MCC: variants seen among roughly 807,000 people sequenced by gnomAD.
The protein encoded by MCC is MCC regulator of Wnt signaling pathway.
In MCC, 90 loss-of-function variants were observed where a neutral mutation model predicts 116.2. The ratio of observed to expected loss-of-function variants is 0.77; its 90% CI spans 0.65 to 0.92. The LOEUF is 0.92. MCC is among the 40% of genes least tolerant of loss of function. MCC has a pLI of 0.00. For missense variants in MCC, 1,516 were observed against 1,312.2 expected, an observed-to-expected ratio of 1.16 and a Z score of -2.40; for synonymous variants, 578 against 510.5, an observed-to-expected ratio of 1.13 and a Z score of -1.78.
rs348942 is a variant in MCC at position 113,488,342 on chromosome 5, T to C, written c.73A>G (p.Ser25Gly). 972,719 of 1,519,392 alleles carry C rather than the reference T, an allele frequency of 0.64. 315,581 individuals are homozygous for C. Among genetic ancestry groups the C allele is most frequent in the Admixed American group, 0.82 (40,997 of 50,094 alleles). The allele number at this position is 1,519,392 out of a possible 1,614,324, so 94.1% of individuals were successfully genotyped here. ...SGGGGGGSGS[S>G]SSSSDTSSTG... ...CTGGACGTGTCGCTGCTGCTGCTGC[T>C]GCTGCCGCTGCCGCCGCCGCCGCCG... The change falls in exon 1 of 19, where the codon AGC (serine) becomes GGC (glycine). Residue 25 changes from serine to glycine, a missense_variant. Physicochemically the swap from Ser to Gly is moderately conservative, Grantham distance 56. Transcript: ENST00000408903.
intron 3 of MCC, among the ~76,000 whole-genome samples, chr5:113,164,369 G>A (rs1253341102): frequency 6.6e-6 from 1 of 152,158 alleles, no homozygotes; most frequent in Non-Finnish European, 1.5e-5. Context: ...TCCACAAGTA[G>A]GATAAAATTA....
At chr5:113,404,885 T>C (rs1030701128) in intron 1 of MCC, among the ~76,000 whole-genome samples, 22 of 152,052 alleles carry the variant, frequency 1.4e-4, no homozygotes, top group Non-Finnish European at 2.6e-4. Context: ...TAGTAAAATA[T>C]GTATCTGCAG....
intron 3 of MCC, among the ~76,000 whole-genome samples, chr5:113,224,372 C>T (rs1374432636): frequency 1.3e-5 from 2 of 152,194 alleles, no homozygotes; most frequent in Non-Finnish European, 2.9e-5. Flanking sequence ...GGATTACAGG[C>T]GTGAGCCACT....
chr5:113,170,678 C>G (rs1761028497), intron 3 of MCC, among the ~76,000 whole-genome samples: 1 of 152,126 alleles, frequency 6.6e-6, no homozygotes, highest in South Asian at 2.1e-4. Flanking sequence ...TACTGGTGTT[C>G]TTAAAATTCA....
At chr5:113,351,657 ATAATT>A (rs1768271120) in intron 2 of MCC, among the ~76,000 whole-genome samples, 1 of 152,194 alleles carries the variant, frequency 6.6e-6, no homozygotes, top group Admixed American at 6.5e-5. Context: ...ACTGTACTCA[ATAATT>A]TAATTGTGCA....
chr5:113,313,655 G>C (rs1767193765), intron 3 of MCC, among the ~76,000 whole-genome samples: 1 of 152,134 alleles, frequency 6.6e-6, no homozygotes, highest in Non-Finnish European at 1.5e-5. Context: ...CTATTTACTA[G>C]GGATGTTCTT....
intron 3 of MCC, among the ~76,000 whole-genome samples, chr5:113,339,226 CA>C (rs766443939): frequency 8.2e-5 from 10 of 122,104 alleles, no homozygotes; most frequent in African/African-American, 9.3e-5. Flanking sequence ...AACTCCATCT[CA>C]AAAAAAAAAA....
chr5:113,326,687 T>C (rs1767562476), intron 3 of MCC, among the ~76,000 whole-genome samples: 2 of 152,240 alleles, frequency 1.3e-5, no homozygotes, highest in Non-Finnish European at 2.9e-5. Context: ...TAGTTCTCAC[T>C]ACACTATATG....
At chr5:113,125,866 T>C (rs1324980797) in intron 5 of MCC, among the ~76,000 whole-genome samples, 3 of 152,160 alleles carry the variant, frequency 2.0e-5, no homozygotes, top group African/African-American at 4.8e-5. Context: ...CAATAACTTA[T>C]TTCTTTGGGG....
intron 1 of MCC, among the ~76,000 whole-genome samples, chr5:113,421,276 T>C (rs760503919): frequency 6.6e-6 from 1 of 152,062 alleles, no homozygotes; most frequent in African/African-American, 2.4e-5. Context: ...TCTGCCCGCC[T>C]GGACTCCCAA....
intron 5 of MCC, among the ~76,000 whole-genome samples, chr5:113,125,164 C>A (rs942553947): frequency 6.6e-6 from 1 of 152,142 alleles, no homozygotes; most frequent in Admixed American, 6.5e-5. Flanking sequence ...AAATATATTG[C>A]ACCGGAGGAT....
intron 3 of MCC, among the ~76,000 whole-genome samples, chr5:113,189,456 T>C (rs1392687724): frequency 6.6e-6 from 1 of 152,204 alleles, no homozygotes; most frequent in East Asian, 1.9e-4. Context: ...CCTTTAGGTG[T>C]AAGCCCATTT....
intron 3 of MCC, among the ~76,000 whole-genome samples, chr5:113,152,958 C>T (rs1759967094): frequency 6.6e-6 from 1 of 152,158 alleles, no homozygotes; most frequent in African/African-American, 2.4e-5. Flanking sequence ...GACGACTTCT[C>T]AGTACAAATA....
chr5:113,122,767 T>A lies in MCC; in HGVS notation c.944A>T (p.Asn315Ile). ...TTGGTCCATGCTTCGAGAGTCCTCG[T>A]TGACCTCGTGTTGGCTCTGGCTGAG... Reference protein sequence around the residue: ...SELSQSQHEVNEDSRSMDQDQ... With the variant: ...SELSQSQHEVIEDSRSMDQDQ... The change falls in exon 6 of 19, where the codon AAC becomes ATC. Residue 315 changes from asparagine to isoleucine, a missense_variant. Asn to Ile is a moderately radical substitution (Grantham distance 149). Coordinates refer to ENST00000408903, the MANE Select transcript of MCC (RefSeq NM_001085377.2). The A allele has an allele frequency of 1.2e-6, 2 of 1,614,192 alleles. No individual in the cohort carries two copies. The highest frequency in any genetic ancestry group is 1.3e-5 in the African/African-American group (1 of 75,060).
rs57017650 is a variant in MCC at position 113,159,054 on chromosome 5, G to A, written c.628-7632C>T. On this transcript the variant is annotated intron_variant, in intron 3 of 18. Transcript: ENST00000408903. ...AGCACCCATGTGATTTTGGGTGGGA[G>A]CGAGAAGGGTGGCAGGGCAAGTCCT... 5.5e-3 allele frequency among the ~76,000 whole-genome samples: 839 copies of A among 152,254 alleles called. 12 individuals are homozygous for A. In the East Asian group the frequency reaches 0.06, roughly 11 times the overall value.
At chr5:113,059,636 C>T (rs951153448) in intron 14 of MCC, among the ~76,000 whole-genome samples, 2 of 152,222 alleles carry the variant, frequency 1.3e-5, no homozygotes, top group Non-Finnish European at 2.9e-5. Flanking sequence ...AAACCCTCGC[C>T]ACACATGTGT....
intron 2 of MCC, among the ~76,000 whole-genome samples, chr5:113,371,471 T>C (rs1768835248): frequency 2.0e-5 from 3 of 152,200 alleles, no homozygotes; most frequent in Admixed American, 6.5e-5. Context: ...GAAAACACTA[T>C]AATTATACAA....
At chr5:113,085,045 G>A in intron 9 of MCC, 119 bp downstream of exon 9, 1 of 1,401,156 alleles carries the variant, frequency 7.1e-7, no homozygotes, top group Non-Finnish European at 1.0e-6. Context: ...TAAGGTCCCA[G>A]GGGAAGCCCC....
At chr5:113,128,426 G>A (rs933351615) in intron 5 of MCC, among the ~76,000 whole-genome samples, 3 of 152,114 alleles carry the variant, frequency 2.0e-5, no homozygotes, top group Non-Finnish European at 4.4e-5. Context: ...TTTGTTTTTT[G>A]TTTTAAAGCT....
Sources: allele counts gnomAD v4.1 joint callset (sites outside exome capture counted in the v4.1 genomes callset), GRCh38; gene constraint gnomAD v4.1.1; transcripts MANE v1.5; gene names NCBI Gene and HGNC (gene_info 2026-07-23, HGNC 2026-07-21).